GREM2: variants seen among roughly 807,000 people sequenced by gnomAD.
GREM2 encodes the protein gremlin-2.
In GREM2, 11 loss-of-function variants were observed where a neutral mutation model predicts 14.2. The ratio of observed to expected loss-of-function variants is 0.78; its 90% CI spans 0.49 to 1.28. The LOEUF (loss-of-function observed/expected upper bound fraction) is 1.28, where lower values mean the gene tolerates loss of function less well. GREM2 is among the 50% of genes most tolerant of loss of function. The pLI, the probability that GREM2 is intolerant of heterozygous loss-of-function variation, is 0.00. For missense variants in GREM2, 210 were observed against 218.5 expected (o/e 0.96, Z 0.24); for synonymous variants, 98 against 97.6 (o/e 1.00, Z -0.02).
chr1:240,535,612 C>T (rs1293263947), intron 1 of GREM2, among the ~76,000 whole-genome samples: 2 of 151,882 alleles, frequency 1.3e-5, no homozygotes, highest in Admixed American at 1.3e-4. Flanking sequence ...CCAACCTGGC[C>T]AACTGGTGAA....
intron 1 of GREM2, among the ~76,000 whole-genome samples, chr1:240,506,998 G>A (rs1403821002): frequency 6.6e-6 from 1 of 152,226 alleles, no homozygotes; most frequent in Admixed American, 6.5e-5. Context: ...AGCTGCTTCA[G>A]GCAACTGGAT....
chr1:240,521,276 T>C (rs1678078908), intron 1 of GREM2, among the ~76,000 whole-genome samples: 1 of 152,068 alleles, frequency 6.6e-6, no homozygotes, highest in South Asian at 2.1e-4. Flanking sequence ...CTTAAAAAAA[T>C]GAAACGGGAG....
At chr1:240,593,788 T>C (rs1184813802) in intron 1 of GREM2, among the ~76,000 whole-genome samples, 1 of 152,028 alleles carries the variant, frequency 6.6e-6, no homozygotes, top group African/African-American at 2.4e-5. Context: ...CTATGTTACC[T>C]AAAAGGGCTG....
rs1677210573 is a variant in GREM2, at chr1:240,489,959, T to C, written c.*3010A>G. The C allele has an allele frequency of 6.6e-6, 1 of 152,224 alleles. No individual in the cohort carries two copies. The highest frequency in any genetic ancestry group is 1.5e-5 in the Non-Finnish European group (1 of 68,028). 9.4% of individuals were successfully genotyped at this position (152,224 alleles called of 1,614,324 possible). A position where few individuals can be genotyped will look rare whatever the true frequency, so the allele number is the denominator to read the frequency against. ...ACACAGTGGATCAACCATGTGCAGTTTGATTGTGGATTTTATTTTTTATTG... is the reference window on the plus strand; with the variant it reads ...ACACAGTGGATCAACCATGTGCAGTCTGATTGTGGATTTTATTTTTTATTG... On this transcript the variant is annotated 3_prime_UTR_variant, in exon 2 of 2. Transcript: ENST00000318160.
Position 240,605,143 on chromosome 1 carries a change from C to T in GREM2, c.-2+6741G>A, listed in dbSNP as rs573073365. On this transcript the variant is annotated intron_variant, in intron 1 of 1. Coordinates refer to ENST00000318160, the MANE Select transcript of GREM2 (RefSeq NM_022469.4). ...ACCAGACACAGCAGTAGGATGGATGCGTCAGGTTATAAATGACCCTGTTTC... is the reference window on the plus strand; with the variant it reads ...ACCAGACACAGCAGTAGGATGGATGTGTCAGGTTATAAATGACCCTGTTTC... Among the ~76,000 whole-genome samples, 14 of 152,234 alleles carry T rather than the reference C, an allele frequency of 9.2e-5. No homozygotes were observed. The East Asian group carries it at 2.1e-3, about 23-fold the overall frequency.
At chr1:240,513,589 AAAAAG>A (rs1488194833) in intron 1 of GREM2, among the ~76,000 whole-genome samples, 3 of 151,586 alleles carry the variant, frequency 2.0e-5, no homozygotes, top group African/African-American at 2.4e-5. Flanking sequence ...AAAAAAAAAA[AAAAAG>A]AAGAAGAAGA....
At chr1:240,521,325 T>G (rs183594023) in intron 1 of GREM2, among the ~76,000 whole-genome samples, 4 of 152,082 alleles carry the variant, frequency 2.6e-5, no homozygotes, top group Admixed American at 2.6e-4. Flanking sequence ...TCCCAGCACT[T>G]TAGCAGGCCG....
At chr1:240,601,555 T>C (rs1679924450) in intron 1 of GREM2, among the ~76,000 whole-genome samples, 1 of 152,232 alleles carries the variant, frequency 6.6e-6, no homozygotes, top group African/African-American at 2.4e-5. Context: ...AGTTCTTTGT[T>C]GGTAAGATGT....
chr1:240,538,783 G>A (rs755466483), intron 1 of GREM2, among the ~76,000 whole-genome samples: 6 of 152,074 alleles, frequency 3.9e-5, no homozygotes, highest in African/African-American at 1.2e-4. Context: ...GTATGTACTC[G>A]ACTAATACCA....
chr1:240,504,753 C>A (rs1005145376), intron 1 of GREM2, among the ~76,000 whole-genome samples: 1 of 152,186 alleles, frequency 6.6e-6, no homozygotes, highest in Non-Finnish European at 1.5e-5. Context: ...ATTACATTAA[C>A]AGCTAATATA....
At chr1:240,605,487 A>G (rs1448642687) in intron 1 of GREM2, among the ~76,000 whole-genome samples, 1 of 152,132 alleles carries the variant, frequency 6.6e-6, no homozygotes, top group Non-Finnish European at 1.5e-5. Context: ...CTTGTCTCAA[A>G]AAACAAACAA....
chr1:240,578,936 A>G (rs574067092), intron 1 of GREM2, among the ~76,000 whole-genome samples: 10 of 152,312 alleles, frequency 6.6e-5, no homozygotes, highest in African/African-American at 1.9e-4. Context: ...AGTGAATCTG[A>G]TACTCTGCCT....
intron 1 of GREM2, among the ~76,000 whole-genome samples, chr1:240,587,149 G>T (rs1679614917): frequency 6.6e-6 from 1 of 151,996 alleles, no homozygotes; most frequent in African/African-American, 2.4e-5. Context: ...ATATAGATCA[G>T]CAGAAAATTA....
intron 1 of GREM2, among the ~76,000 whole-genome samples, chr1:240,604,019 G>A (rs1282591782): frequency 2.0e-5 from 3 of 151,316 alleles, no homozygotes; most frequent in South Asian, 2.1e-4. Flanking sequence ...TTCCACTCAC[G>A]GCGAGGGGTT....
At chr1:240,541,533 TG>T (rs1678588098) in intron 1 of GREM2, among the ~76,000 whole-genome samples, 1 of 152,192 alleles carries the variant, frequency 6.6e-6, no homozygotes. Context: ...AATGTGATGA[TG>T]GGTTTCATTT....
intron 1 of GREM2, among the ~76,000 whole-genome samples, chr1:240,568,802 CAT>C (rs1303316300): frequency 1.3e-5 from 2 of 152,078 alleles, no homozygotes; most frequent in Admixed American, 6.6e-5. Context: ...CTAGAAGTAA[CAT>C]ATAAATTTAG....
chr1:240,581,353 T>C (rs1679480864), intron 1 of GREM2, among the ~76,000 whole-genome samples: 1 of 152,104 alleles, frequency 6.6e-6, no homozygotes, highest in South Asian at 2.1e-4. Context: ...AATTAAACTC[T>C]CTGTCTCAGT....
At chr1:240,520,121 C>T (rs1362153654) in intron 1 of GREM2, among the ~76,000 whole-genome samples, 6 of 80,894 alleles carry the variant, frequency 7.4e-5, no homozygotes, top group Non-Finnish European at 2.7e-5. Flanking sequence ...ATAAAATAGT[C>T]ATCAAAACTA....
At chr1:240,589,347 A>G (rs1318967392) in intron 1 of GREM2, among the ~76,000 whole-genome samples, 1 of 151,966 alleles carries the variant, frequency 6.6e-6, no homozygotes, top group African/African-American at 2.4e-5. Context: ...AGGGAGAAGA[A>G]CCGCTTGAAC....
Sources: gnomAD v4.1 joint callset for allele counts (sites outside exome capture counted in the v4.1 genomes callset) on GRCh38, gnomAD v4.1.1 for gene constraint, MANE v1.5 for transcripts, NCBI Gene and HGNC (gene_info 2026-07-23, HGNC 2026-07-21) for gene names.